The following PCNX1 variants were observed in gnomAD, a reference collection of about 807,000 sequenced individuals.
PCNX1 encodes the protein pecanex 1.
Under a neutral mutation model 242.2 loss-of-function variants are expected in PCNX1, and 78 were observed. The ratio of observed to expected loss-of-function variants is 0.32; its 90% CI spans 0.27 to 0.39. The LOEUF (loss-of-function observed/expected upper bound fraction) is 0.39. PCNX1 is among the 10% of genes least tolerant of loss of function. The pLI, the probability that PCNX1 is intolerant of heterozygous loss-of-function variation, is 1.00. For missense variants in PCNX1, 2,581 were observed against 2,856.5 expected, an observed-to-expected ratio of 0.90 and a Z score of 2.20; for synonymous variants, 1,024 against 1,032.9, an observed-to-expected ratio of 0.99 and a Z score of 0.17.
rs138397865 is a variant in PCNX1, at chr14:70,978,134, C to T, written c.1797C>T (p.Asp599=). 68 of 1,614,126 alleles carry T rather than the reference C, an allele frequency of 4.2e-5. No homozygotes were observed. The African/African-American group carries it at 6.8e-4, about 16-fold the overall frequency. ...TKPHSAIFCH[D]EDSSDQSDLS... ...CACACAGTGCTATATTTTGTCATGA[C>T]GAAGACTCTAGTGATCAGAGTGACT... The change falls in exon 6 of 36, where the codon GAC becomes GAT. Residue 599 remains aspartate (D), a synonymous_variant. Coordinates refer to ENST00000304743, the MANE Select transcript of PCNX1 (RefSeq NM_014982.3).
At chr14:71,072,908 T>G (rs1456414643) in intron 26 of PCNX1, among the ~76,000 whole-genome samples, 1 of 152,252 alleles carries the variant, frequency 6.6e-6, no homozygotes, top group Non-Finnish European at 1.5e-5. Flanking sequence ...GAGATGTGCC[T>G]TTACTCTTTG....
chr14:71,027,676 T>TA (rs548334024), intron 15 of PCNX1, among the ~76,000 whole-genome samples: 1 of 152,012 alleles, frequency 6.6e-6, no homozygotes, highest in Non-Finnish European at 1.5e-5. Context: ...TCTCTGCTGA[T>TA]AAAATGTCAA....
intron 30 of PCNX1, among the ~76,000 whole-genome samples, chr14:71,096,602 G>A (rs574168178): frequency 8.5e-5 from 13 of 152,258 alleles, no homozygotes; most frequent in African/African-American, 3.1e-4. Flanking sequence ...CTAAAAGATA[G>A]CACATCATAT....
At chr14:71,035,874 A>C (rs36059244) in intron 18 of PCNX1, among the ~76,000 whole-genome samples, 191 bp from the exon 19 acceptor site, 1 of 152,004 alleles carries the variant, frequency 6.6e-6, no homozygotes, top group Non-Finnish European at 1.5e-5. Flanking sequence ...GTCCCACTGC[A>C]CTCCATCTTA....
chr14:71,045,509 T>C (rs1285979264), intron 20 of PCNX1, among the ~76,000 whole-genome samples: 1 of 152,198 alleles, frequency 6.6e-6, no homozygotes, highest in Non-Finnish European at 1.5e-5. Flanking sequence ...AGAAACTTAC[T>C]TCTCCCCTCT....
intron 1 of PCNX1, among the ~76,000 whole-genome samples, chr14:70,932,009 C>T (rs537595578): frequency 1.2e-4 from 18 of 152,144 alleles, no homozygotes; most frequent in Non-Finnish European, 2.2e-4. Flanking sequence ...TGTTATCTGT[C>T]GCAGCTACTC....
intron 1 of PCNX1, among the ~76,000 whole-genome samples, chr14:70,914,690 T>C (rs1035878511): frequency 5.9e-5 from 9 of 152,256 alleles, no homozygotes; most frequent in Non-Finnish European, 1.2e-4. Context: ...TTTTTAAATA[T>C]TGTGTCTCTA....
At chr14:70,993,124 ATTT>A (rs5809506) in intron 7 of PCNX1, among the ~76,000 whole-genome samples, 1 of 145,924 alleles carries the variant, frequency 6.9e-6, no homozygotes, top group Non-Finnish European at 1.5e-5. Context: ...ATCTAAATTA[ATTT>A]TTTTTTTTTT....
intron 26 of PCNX1, among the ~76,000 whole-genome samples, chr14:71,066,667 G>C (rs1446056277): frequency 1.3e-5 from 2 of 152,178 alleles, no homozygotes; most frequent in Non-Finnish European, 2.9e-5. Flanking sequence ...TGGTGAGAGA[G>C]GGCATCCTTG....
At chr14:71,007,026 T>C (rs1256018903) in intron 8 of PCNX1, among the ~76,000 whole-genome samples, 1 of 152,184 alleles carries the variant, frequency 6.6e-6, no homozygotes, top group Non-Finnish European at 1.5e-5. Flanking sequence ...ACTGTTGAAG[T>C]CATGTACTTC....
At chr14:70,980,475 T>G (rs2140153346) in intron 6 of PCNX1, among the ~76,000 whole-genome samples, 1 of 152,284 alleles carries the variant, frequency 6.6e-6, no homozygotes, top group South Asian at 2.1e-4. Context: ...AAAAACATTT[T>G]TTTGCCTGGG....
intron 16 of PCNX1, among the ~76,000 whole-genome samples, chr14:71,032,330 G>A (rs1180484669): frequency 6.6e-6 from 1 of 151,976 alleles, no homozygotes; most frequent in Non-Finnish European, 1.5e-5. Context: ...TTTCTTTTCA[G>A]TACATTCAAA....
At chr14:71,025,366 T>C (rs1205090951) in intron 13 of PCNX1, among the ~76,000 whole-genome samples, 2 of 152,190 alleles carry the variant, frequency 1.3e-5, no homozygotes, top group Admixed American at 1.3e-4. Context: ...CAACAATATG[T>C]TCCAGGGTCA....
rs542927304 is a variant in PCNX1 at position 71,079,519 on chromosome 14, T to A, written c.5337+3100T>A. 3.3e-5 allele frequency among the ~76,000 whole-genome samples: 5 copies of A among 152,328 alleles called. No homozygotes were observed. The South Asian group carries it at 8.3e-4, about 25-fold the overall frequency. ...TCTCCAGCACCTGACTTTTTAATGA[T>A]CGCCTGACTTTGTAACTTTTTTTTG... On this transcript the variant is annotated intron_variant, in intron 28 of 35. Coordinates refer to ENST00000304743, the MANE Select transcript of PCNX1 (RefSeq NM_014982.3).
At chr14:71,074,798 C>CA (rs2061671621) in intron 27 of PCNX1, among the ~76,000 whole-genome samples, 1 of 152,040 alleles carries the variant, frequency 6.6e-6, no homozygotes, top group South Asian at 2.1e-4. Context: ...GGGTAAAGGC[C>CA]AAACCCCTCG....
chr14:71,088,114 C>T (rs1484784773), intron 28 of PCNX1, among the ~76,000 whole-genome samples: 4 of 151,666 alleles, frequency 2.6e-5, no homozygotes, highest in East Asian at 1.9e-4. Flanking sequence ...TATTTTGTTC[C>T]GTTATTATGA....
chr14:70,962,728 G>T (rs1418263796), intron 3 of PCNX1, among the ~76,000 whole-genome samples: 17 of 152,196 alleles, frequency 1.1e-4, no homozygotes, highest in Admixed American at 1.1e-3. Flanking sequence ...ATGTTTAATG[G>T]TAAGGCTAAA....
At chr14:70,990,478 T>C (rs555270861) in intron 7 of PCNX1, among the ~76,000 whole-genome samples, 168 of 151,872 alleles carry the variant, frequency 1.1e-3, no homozygotes, top group Non-Finnish European at 1.7e-3. Context: ...GGCAGGAGAA[T>C]TGCCTGAACC....
At chr14:71,073,250 A>G (rs1006172194) in intron 26 of PCNX1, among the ~76,000 whole-genome samples, 1 of 152,224 alleles carries the variant, frequency 6.6e-6, no homozygotes, top group Non-Finnish European at 1.5e-5. Context: ...GTGGGCTGAG[A>G]TCACGCCACT....
Sources: allele counts gnomAD v4.1 joint callset (sites outside exome capture counted in the v4.1 genomes callset), GRCh38; gene constraint gnomAD v4.1.1; transcripts MANE v1.5; gene names NCBI Gene and HGNC (gene_info 2026-07-23, HGNC 2026-07-21).